The following FCHO1 variants were observed in gnomAD, a reference collection of about 807,000 sequenced individuals.
FCHO1 encodes F-BAR domain only protein 1.
FCHO1 carries 45 observed loss-of-function variants against 114.4 expected under a neutral mutation model. The observed-to-expected ratio is 0.39, with a 90% CI of 0.31 to 0.50. The LOEUF is 0.50. Ranked by LOEUF, FCHO1 falls within the 20% of genes least tolerant of loss-of-function variation. The pLI, the probability that FCHO1 is intolerant of heterozygous loss-of-function variation, is 0.77. For synonymous variants in FCHO1, 480 were observed against 488.9 expected (o/e 0.98, Z 0.24); for missense variants, 1,042 against 1,209.6 (o/e 0.86, Z 2.06).
chr19:17,752,792 C>T (rs907534721), intron 1 of FCHO1, among the ~76,000 whole-genome samples: 2 of 151,734 alleles, frequency 1.3e-5, no homozygotes, highest in East Asian at 1.9e-4. Context: ...CCCAGCTACT[C>T]GGGTGGCTGA....
chr19:17,786,344 C>CA (rs1417893814), intron 26 of FCHO1, among the ~76,000 whole-genome samples: 1 of 115,806 alleles, frequency 8.6e-6, no homozygotes, highest in African/African-American at 5.4e-5. Flanking sequence ...AAAAAACACA[C>CA]AAAAAAACAC....
intron 4 of FCHO1, among the ~76,000 whole-genome samples, chr19:17,756,677 C>G (rs901938000): frequency 6.6e-6 from 1 of 152,192 alleles, no homozygotes; most frequent in Non-Finnish European, 1.5e-5. Context: ...CCCACACACC[C>G]CCAGACTCAG....
At position 17,781,092 on chromosome 19, in the gene FCHO1, C is replaced by T. The variant is rs1599758955; in HGVS notation, c.1628-139C>T. ...GCAGTCCTGTCTGGCACCTTTTCTG[C>T]AACACCAGGACTTCAGACCCATTGG... On this transcript the variant is annotated intron_variant, in intron 20 of 28. Coordinates refer to ENST00000596536, the MANE Select transcript of FCHO1 (RefSeq NM_015122.3). 5 of 639,752 alleles carry T rather than the reference C, an allele frequency of 7.8e-6. No homozygotes were observed. In the Admixed American group the frequency reaches 8.0e-5, roughly 10 times the overall value. The allele number at this position is 639,752 out of a possible 1,614,324, so 39.6% of individuals were successfully genotyped here.
At chr19:17,778,094 T>C in intron 18 of FCHO1, 43 bp from the exon 19 acceptor site, 1 of 1,486,670 alleles carries the variant, frequency 6.7e-7, no homozygotes, top group Non-Finnish European at 9.4e-7. Flanking sequence ...GGGATGAGGC[T>C]TGGGAAAAAT....
At position 17,786,583 on chromosome 19, in the gene FCHO1, G is replaced by C. The variant is rs994047310; in HGVS notation, c.2436G>C (p.Glu812Asp). Residue 812 changes from glutamate (E) to aspartate (D), a missense_variant, in exon 27 of 29, where the codon GAG becomes GAC. Glu to Asp is a conservative substitution (Grantham distance 45, BLOSUM62 2). Coordinates refer to ENST00000596536, the MANE Select transcript of FCHO1 (RefSeq NM_015122.3). Reference protein sequence around the residue: ...RLQPAATWNLEEKRLTWRLPD... With the variant: ...RLQPAATWNLDEKRLTWRLPD... The stretch of plus-strand genomic sequence containing the variant: ...ATTCTTTCTCTGCCAGGAACCTGGA[G>C]GAGAAGCGGCTCACTTGGAGGCTTC... 1.9e-6 allele frequency: 3 copies of C among 1,595,706 alleles called. No homozygotes were observed. The African/African-American group carries it at 4.0e-5, about 21-fold the overall frequency.
Position 17,784,073 on chromosome 19 carries a change from G to A in FCHO1, c.2094-30G>A, listed in dbSNP as rs946445173. On this transcript the variant is annotated intron_variant, in intron 24 of 28. Coordinates refer to ENST00000596536, the MANE Select transcript of FCHO1 (RefSeq NM_015122.3). The surrounding 1 kb of genome is among the most constrained non-coding windows in gnomAD (Gnocchi z 5.3). ...GAGCCCTGGGAGGGCATGTCCCGAG[G>A]ATTGGGGTGATCAGTCCGGGTCTCT... 4.4e-6 allele frequency: 7 copies of A among 1,604,700 alleles called. No individual in the cohort carries two copies. Among genetic ancestry groups the A allele is most frequent in the Non-Finnish European group, 5.1e-6 (6 of 1,173,430 alleles).
Position 17,772,448 on chromosome 19 carries a change from C to A in FCHO1, c.595-9C>A, listed in dbSNP as rs761515469. 6.2e-6 allele frequency: 10 copies of A among 1,613,052 alleles called. No individual in the cohort carries two copies. In the East Asian group the frequency reaches 1.1e-4, roughly 18 times the overall value. On this transcript the variant is annotated splice_polypyrimidine_tract_variant and intron_variant, in intron 9 of 28. Coordinates refer to ENST00000596536, the MANE Select transcript of FCHO1 (RefSeq NM_015122.3). The stretch of plus-strand genomic sequence containing the variant: ...CTCCTTTCCACCTGCCTCTGCCCTC[C>A]TGCTTCAGCGCTTCCAAGCCATGGA...
chr19:17,772,054 A>G (rs8103519), intron 9 of FCHO1, among the ~76,000 whole-genome samples: 137,418 of 152,174 alleles, frequency 0.9, 62,251 homozygotes, highest in Middle Eastern at 0.97. Context: ...CAGATGATCC[A>G]CCTGCCTTGG....
rs1347244521 is a variant in FCHO1, at chr19:17,778,642, C to T, written c.1385C>T (p.Ser462Phe). 6.3e-7 allele frequency: 1 copy of T among 1,577,708 alleles called. No individual in the cohort carries two copies. The highest frequency in any genetic ancestry group is 8.6e-7 in the Non-Finnish European group (1 of 1,165,094). ...AGCCTGGGCTTCACCTCCAGCCCCT[C>T]CCCTTTCTCCTCCTCGTCGCCCGAA... is the stretch of plus-strand genomic sequence containing the variant. ...SSSLGFTSSP[S>F]PFSSSSPENV... Residue 462 changes from serine to phenylalanine, a missense_variant, in exon 20 of 29, where the codon TCC becomes TTC. Transcript: ENST00000596536.
At chr19:17,762,974 G>T in intron 5 of FCHO1, 121 bp downstream of exon 5, 1 of 661,364 alleles carries the variant, frequency 1.5e-6, no homozygotes. Context: ...GAACCAGAGG[G>T]GCTCGAAAAT....
chr19:17,770,900 AG>A lies in FCHO1; in HGVS notation c.594+5del, dbSNP rs750221294. The A allele has an allele frequency of 4.3e-6, 7 of 1,611,854 alleles. No individual in the cohort carries two copies. The South Asian group carries it at 7.7e-5, about 18-fold the overall frequency. ...GAAGATGCTGGACTCAGCCCTGGTA[AG>A]AACCAGGCATCTGTACCTTTAAGAC... On this transcript the variant is annotated splice_donor_5th_base_variant and intron_variant, in intron 9 of 28. Transcript: ENST00000596536.
At chr19:17,774,330 G>A (rs761103906) in intron 12 of FCHO1, 47 bp downstream of exon 12, 3 of 1,613,274 alleles carry the variant, frequency 1.9e-6, no homozygotes, top group Non-Finnish European at 2.5e-6. Context: ...ATGGGGGTGA[G>A]GGAGGCTGAT....
At chr19:17,768,080 T>A (rs1390925582) in intron 7 of FCHO1, among the ~76,000 whole-genome samples, 4 of 152,166 alleles carry the variant, frequency 2.6e-5, no homozygotes, top group African/African-American at 9.7e-5. Context: ...TTTGTTTTGT[T>A]TTTTTGAGAT....
intron 7 of FCHO1, 68 bp downstream of exon 7, chr19:17,766,878 A>G (rs1371698727): frequency 1.8e-5 from 28 of 1,535,088 alleles, no homozygotes; most frequent in African/African-American, 2.7e-5. Context: ...AGGACCCCAG[A>G]TCTTCTGGGG....
chr19:17,748,477 C>G (rs2081112279), upstream of FCHO1, among the ~76,000 whole-genome samples: 1 of 150,280 alleles, frequency 6.7e-6, no homozygotes, highest in Admixed American at 6.6e-5. Context: ...TTTATCCAGG[C>G]CAGGCCTTGA....
chr19:17,766,905 T>C lies in FCHO1; in HGVS notation c.336+95T>C, dbSNP rs540189420. Reference sequence around the variant, plus strand: ...CTTCTGGGGCTTTATAACCTGCGGATGTCCGCCTCCGAGAATTCCGTTAAT... The same window carrying C: ...CTTCTGGGGCTTTATAACCTGCGGACGTCCGCCTCCGAGAATTCCGTTAAT... On this transcript the variant is annotated intron_variant, in intron 7 of 28. Coordinates refer to ENST00000596536, the MANE Select transcript of FCHO1 (RefSeq NM_015122.3). 388 of 1,298,586 alleles carry C rather than the reference T, an allele frequency of 3.0e-4. 3 individuals are homozygous for C. The South Asian group carries it at 5.1e-3, about 17-fold the overall frequency. The allele number at this position is 1,298,586 out of a possible 1,614,324, so 80.4% of individuals were successfully genotyped here.
In FCHO1 at chr19:17,786,091, T is replaced by C. The variant is rs183597215; in HGVS notation, c.2427-483T>C. Among the ~76,000 whole-genome samples the C allele has an allele frequency of 2.4e-3, 359 of 152,188 alleles. 4 individuals are homozygous for C. Among genetic ancestry groups the C allele is most frequent in the Admixed American group, 5.6e-3 (85 of 15,284 alleles). On this transcript the variant is annotated intron_variant, in intron 26 of 28. Coordinates refer to ENST00000596536, the MANE Select transcript of FCHO1 (RefSeq NM_015122.3). ...GCTTATGCCTGTAATCCCAACACTT[T>C]GGAAGGCCAAGGCAGGTGGATCACC...
intron 4 of FCHO1, among the ~76,000 whole-genome samples, chr19:17,757,847 C>T (rs533402696): frequency 8.6e-5 from 12 of 139,392 alleles, no homozygotes; most frequent in Non-Finnish European, 1.7e-4. Flanking sequence ...GCCTGGGAGG[C>T]AGAGGTTTCA....
chr19:17,774,798 A>G (rs1341252345), intron 13 of FCHO1: 11 of 582,194 alleles, frequency 1.9e-5, no homozygotes, highest in Admixed American at 6.1e-5. Context: ...GACTTTCCCT[A>G]TCTTCACAAG....
Sources: gnomAD v4.1 joint callset for allele counts (sites outside exome capture counted in the v4.1 genomes callset) on GRCh38, gnomAD v4.1.1 for gene constraint, Gnocchi (gnomAD v3.1) non-coding constraint, MANE v1.5 for transcripts, NCBI Gene and HGNC (gene_info 2026-07-23, HGNC 2026-07-21) for gene names.